The following CCDC14 variants were observed in gnomAD, a reference collection of about 807,000 sequenced individuals.
CCDC14 encodes the protein coiled-coil domain-containing protein 14.
In CCDC14, 71 loss-of-function variants were observed where a neutral mutation model predicts 81.4. The ratio of observed to expected loss-of-function variants is 0.87; its 90% CI spans 0.72 to 1.06. CCDC14 has a LOEUF of 1.06. Among genes scored for constraint, CCDC14 ranks in the 50% least tolerant of loss-of-function variants. The pLI is 0.00. For synonymous variants in CCDC14, 332 were observed against 364.8 expected, an observed-to-expected ratio of 0.91 and a Z score of 1.03; for missense variants, 1,046 against 1,047.3, an observed-to-expected ratio of 1.00 and a Z score of 0.02.
chr3:123,950,394 G>A (rs2036934852), intron 5 of CCDC14, among the ~76,000 whole-genome samples: 1 of 152,136 alleles, frequency 6.6e-6, no homozygotes, highest in Non-Finnish European at 1.5e-5. Context: ...AAATAGCCAT[G>A]AATAGCAGAA....
At position 123,931,188 on chromosome 3, in the gene CCDC14, TAACTTA is replaced by T; in HGVS notation, c.1686_1691del (p.Phe562_Lys563del). ...TCTGGTTTTCCTTTTCAGCAGTTTCTAACTTAAACTGGGAGCTTTTCACATTGACTA... is the reference window on the plus strand; with the variant it reads ...TCTGGTTTTCCTTTTCAGCAGTTTCTAACTGGGAGCTTTTCACATTGACTA... On this transcript the variant is annotated inframe_deletion, in exon 12 of 13. Transcript: ENST00000409697. 1 of 1,612,798 alleles carries T rather than the reference TAACTTA, an allele frequency of 6.2e-7. No individual in the cohort carries two copies. Among genetic ancestry groups the T allele is most frequent in the Middle Eastern group, 1.7e-4 (1 of 6,060 alleles).
At chr3:123,911,088 G>A (rs892465515), downstream of CCDC14, among the ~76,000 whole-genome samples, 3 of 152,176 alleles carry the variant, frequency 2.0e-5, no homozygotes, top group Non-Finnish European at 2.9e-5. Context: ...TGGTGTGCTT[G>A]GAATCTTCCA....
downstream of CCDC14, among the ~76,000 whole-genome samples, chr3:123,893,871 A>G (rs908187051): frequency 1.3e-5 from 2 of 152,120 alleles, no homozygotes; most frequent in African/African-American, 4.8e-5. Context: ...CGTCTATCGA[A>G]TTCCTTTTCC....
chr3:123,890,928 C>G, the CCDC14 span, among the ~76,000 whole-genome samples: 1 of 152,236 alleles, frequency 6.6e-6, no homozygotes, highest in Non-Finnish European at 1.5e-5. Context: ...CAAACTTCCA[C>G]CTGGGCATCC....
chr3:123,906,159 C>T (rs1237566016), intron 5 of CCDC14, among the ~76,000 whole-genome samples: 1 of 151,922 alleles, frequency 6.6e-6, no homozygotes, highest in Non-Finnish European at 1.5e-5. Flanking sequence ...GAAACCCCAT[C>T]TCTACTAAAA....
Position 123,914,050 on chromosome 3 carries a change from A to G in CCDC14, c.*729T>C. 3 of 984,624 alleles carry G rather than the reference A, an allele frequency of 3.0e-6. No homozygotes were observed. The highest frequency in any genetic ancestry group is 1.7e-5 in the African/African-American group (1 of 57,294). The allele number at this position is 984,624 out of a possible 1,614,324, so 61.0% of individuals were successfully genotyped here. A position where few individuals can be genotyped will look rare whatever the true frequency, so the allele number is the denominator to read the frequency against. ...TGTTTAAATATAAGGACAAAAATAA[A>G]CATTTCTTATTTAAAAAAAACCCAC... is the stretch of plus-strand genomic sequence containing the variant. On this transcript the variant is annotated 3_prime_UTR_variant, in exon 13 of 13. Coordinates refer to ENST00000409697, the MANE Select transcript of CCDC14 (RefSeq NM_001366335.1).
In CCDC14 at chr3:123,914,732, C is replaced by G. The variant is rs1046383980; in HGVS notation, c.*47G>C. On this transcript the variant is annotated 3_prime_UTR_variant, in exon 13 of 13. Coordinates refer to ENST00000409697, the MANE Select transcript of CCDC14 (RefSeq NM_001366335.1). ...AAGAAAAATACACATTCAATATAGC[C>G]AAGTTCTAGTTTTAAAAAGAAGCAC... is the stretch of plus-strand genomic sequence containing the variant. 1.4e-6 allele frequency: 2 copies of G among 1,461,798 alleles called. No homozygotes were observed. The highest frequency in any genetic ancestry group is 2.9e-5 in the African/African-American group (2 of 70,010). 90.6% of individuals were successfully genotyped at this position (1,461,798 alleles called of 1,614,324 possible).
chr3:123,949,245 A>C, intron 5 of CCDC14, 113 bp from the exon 6 acceptor site: 1 of 634,506 alleles, frequency 1.6e-6, no homozygotes, highest in African/African-American at 1.8e-5. Context: ...CACATACTTC[A>C]TAGAAGGGCT....
intron 10 of CCDC14, among the ~76,000 whole-genome samples, chr3:123,932,824 C>T (rs910549360): frequency 1.3e-5 from 2 of 152,072 alleles, no homozygotes; most frequent in Non-Finnish European, 2.9e-5. Flanking sequence ...GCTGGCCAGG[C>T]GTGGTGGCTC....
At chr3:123,889,706 C>G in the CCDC14 span, among the ~76,000 whole-genome samples, 2 of 152,270 alleles carry the variant, frequency 1.3e-5, no homozygotes, top group Non-Finnish European at 2.9e-5. Flanking sequence ...ATTCTGGGGT[C>G]TGAAGGATGG....
At chr3:123,922,907 T>A (rs564691146) in intron 12 of CCDC14, among the ~76,000 whole-genome samples, 1 of 152,112 alleles carries the variant, frequency 6.6e-6, no homozygotes, top group Admixed American at 6.6e-5. Context: ...AGTGTTCTTG[T>A]TGAACACTTG....
chr3:123,889,989 G>A, the CCDC14 span, among the ~76,000 whole-genome samples: 1 of 152,174 alleles, frequency 6.6e-6, no homozygotes, highest in East Asian at 1.9e-4. Flanking sequence ...AATTTCATAT[G>A]GCTGGGGAGG....
At chr3:123,898,483 A>C (rs1230339979) in intron 5 of CCDC14, among the ~76,000 whole-genome samples, 2 of 152,066 alleles carry the variant, frequency 1.3e-5, no homozygotes, top group Non-Finnish European at 2.9e-5. Context: ...ATTCAGTGCC[A>C]GGTTGGAGAG....
intron 9 of CCDC14, among the ~76,000 whole-genome samples, chr3:123,936,073 TG>T (rs2036039790): frequency 6.6e-6 from 1 of 152,068 alleles, no homozygotes; most frequent in Non-Finnish European, 1.5e-5. Context: ...TCTCCCTCTT[TG>T]CCAGTTCATG....
chr3:123,948,598 G>C (rs921945927), intron 7 of CCDC14, 93 bp downstream of exon 7: 38 of 931,772 alleles, frequency 4.1e-5, no homozygotes, highest in South Asian at 1.2e-4. Flanking sequence ...TTAAATCCTA[G>C]TGCATTAAGT....
At position 123,931,171 on chromosome 3, in the gene CCDC14, T is replaced by C. The variant is rs1401596124; in HGVS notation, c.1709A>G (p.Glu570Gly). 1.2e-6 allele frequency: 2 copies of C among 1,612,938 alleles called. No individual in the cohort carries two copies. The highest frequency in any genetic ancestry group is 4.5e-5 in the East Asian group (2 of 44,854). Residue 570 changes from glutamate to glycine, a missense_variant, in exon 12 of 13, where the codon GAA (glutamate) becomes GGA (glycine). Glu to Gly is a moderately conservative substitution (Grantham distance 98, BLOSUM62 -2). Transcript: ENST00000409697. ...TAATGTTATCCCCAATATCTGGTTT[T>C]CCTTTTCAGCAGTTTCTAACTTAAA... ...SQFKLETAEK[E>G]NQILGITLRQ...
At chr3:123,917,388 G>C (rs1278585385) in intron 12 of CCDC14, among the ~76,000 whole-genome samples, 3 of 151,124 alleles carry the variant, frequency 2.0e-5, no homozygotes, top group African/African-American at 7.3e-5. Context: ...CCAGCTGCTC[G>C]GCAGGCTGAG....
downstream of CCDC14, among the ~76,000 whole-genome samples, chr3:123,911,338 T>C (rs985955802): frequency 5.3e-4 from 80 of 152,306 alleles, no homozygotes; most frequent in African/African-American, 1.7e-3. Flanking sequence ...GGCTTTGAAT[T>C]GTGTGTGTTA....
chr3:123,950,972 A>G (rs778782666), intron 5 of CCDC14, among the ~76,000 whole-genome samples: 5 of 152,152 alleles, frequency 3.3e-5, no homozygotes, highest in South Asian at 2.1e-4. Flanking sequence ...GAAAAAGACA[A>G]TATTTGACTA....
Sources: allele counts gnomAD v4.1 joint callset (sites outside exome capture counted in the v4.1 genomes callset), GRCh38; gene constraint gnomAD v4.1.1; transcripts MANE v1.5; gene names NCBI Gene and HGNC (gene_info 2026-07-23, HGNC 2026-07-21).